Variants in SCAMP2 observed in about 807,000 individuals in gnomAD.
SCAMP2 encodes the protein secretory carrier membrane protein 2, also known as secretory carrier-associated membrane protein 2.
Under a neutral mutation model 44.1 loss-of-function variants are expected in SCAMP2, and 25 were observed. The ratio of observed to expected loss-of-function variants is 0.57; its 90% CI spans 0.41 to 0.79. The LOEUF is 0.79. Among genes scored for constraint, SCAMP2 ranks in the 30% least tolerant of loss-of-function variants. The pLI is 0.00. For missense variants in SCAMP2, 355 were observed against 411.0 expected (o/e 0.86, Z 1.18); for synonymous variants, 156 against 166.0 (o/e 0.94, Z 0.46).
chr15:74,865,390 A>AAAAAG (rs768030275), intron 1 of SCAMP2, among the ~76,000 whole-genome samples: 1 of 151,398 alleles, frequency 6.6e-6, no homozygotes, highest in African/African-American at 2.4e-5. Flanking sequence ...CAAAAAAAAA[A>AAAAAG]AAAAGAAAAG....
chr15:74,866,276 G>GC (rs773874418), intron 1 of SCAMP2, among the ~76,000 whole-genome samples: 2 of 151,606 alleles, frequency 1.3e-5, no homozygotes, highest in Non-Finnish European at 2.9e-5. Context: ...CGCATCCCAG[G>GC]CTCATGACTC....
intron 7 of SCAMP2, among the ~76,000 whole-genome samples, chr15:74,847,550 G>A (rs1192304027): frequency 6.6e-6 from 1 of 152,186 alleles, no homozygotes; most frequent in African/African-American, 2.4e-5. Context: ...GAGGGGTGGT[G>A]GGAGGGCAGC....
intron 3 of SCAMP2, chr15:74,853,542 A>C (rs768096303): frequency 9.0e-6 from 4 of 445,162 alleles, no homozygotes; most frequent in South Asian, 6.2e-5. Context: ...AGGGGCAGCG[A>C]GGGGTGCAGC....
Position 74,851,451 on chromosome 15 carries a change from G to A in SCAMP2, c.374C>T (p.Ser125Leu), listed in dbSNP as rs1314344046. ...VRQNNWPPLP[S>L]WCPVKPCFYQ... is the part of the protein sequence containing the mutation. ...GAAGCAGGGCTTCACAGGGCACCAC[G>A]AGGGCAGAGGGGGCCAGTTGTTCTG... Residue 125 changes from serine (S) to leucine (L), a missense_variant, in exon 5 of 9, where the codon TCG becomes TTG. Ser to Leu is a moderately radical substitution (Grantham distance 145, BLOSUM62 -2). Coordinates refer to ENST00000268099, the MANE Select transcript of SCAMP2 (RefSeq NM_005697.5). The A allele has an allele frequency of 1.1e-5, 18 of 1,613,978 alleles. No individual in the cohort carries two copies. Among genetic ancestry groups the A allele is most frequent in the Middle Eastern group, 1.7e-4 (1 of 6,056 alleles).
intron 3 of SCAMP2, chr15:74,853,454 G>C (rs1438330618): frequency 2.2e-6 from 1 of 456,474 alleles, no homozygotes; most frequent in Admixed American, 2.3e-5. Flanking sequence ...CTCACTGCCA[G>C]GAATTGGGCA....
intron 1 of SCAMP2, among the ~76,000 whole-genome samples, chr15:74,870,993 G>T (rs528676237): frequency 6.6e-6 from 1 of 152,192 alleles, no homozygotes; most frequent in South Asian, 2.1e-4. Context: ...TGACAGAGCA[G>T]AATATCAGGG....
At chr15:74,864,494 T>C (rs1372960196) in intron 1 of SCAMP2, among the ~76,000 whole-genome samples, 1 of 152,144 alleles carries the variant, frequency 6.6e-6, no homozygotes, top group South Asian at 2.1e-4. Flanking sequence ...TGTGGGACTT[T>C]GGATGTTGCT....
intron 6 of SCAMP2, among the ~76,000 whole-genome samples, chr15:74,850,224 G>C (rs371285016): frequency 3.9e-5 from 6 of 152,196 alleles, no homozygotes; most frequent in African/African-American, 1.4e-4. Context: ...CCTCTTCCCA[G>C]TAACGGCATC....
At chr15:74,853,038 T>G (rs2064445351) in intron 3 of SCAMP2, 1 of 168,090 alleles carries the variant, frequency 5.9e-6, no homozygotes, top group African/African-American at 2.4e-5. Flanking sequence ...CAGGCACATG[T>G]GTACACACAC....
At chr15:74,862,292 C>A (rs57340572) in intron 1 of SCAMP2, among the ~76,000 whole-genome samples, 86,184 of 87,630 alleles carry the variant, frequency 0.98, 42,518 homozygotes, top group Middle Eastern at 1. Flanking sequence ...AAAAAAAATT[C>A]CTGGCCAGGT....
At chr15:74,866,504 AG>A (rs1380771135) in intron 1 of SCAMP2, among the ~76,000 whole-genome samples, 1 of 152,120 alleles carries the variant, frequency 6.6e-6, no homozygotes. Flanking sequence ...TGAGATCAGG[AG>A]TTTGAGACCA....
intron 6 of SCAMP2, 45 bp from the exon 7 acceptor site, chr15:74,848,746 G>T: frequency 7.2e-7 from 1 of 1,398,578 alleles, no homozygotes; most frequent in Non-Finnish European, 1.0e-6. Flanking sequence ...CTTGGGCTGT[G>T]TTCCTCAGCA....
intron 2 of SCAMP2, among the ~76,000 whole-genome samples, 192 bp downstream of exon 2, chr15:74,854,385 CCCAA>C (rs1299030021): frequency 6.6e-6 from 1 of 152,216 alleles, no homozygotes; most frequent in Non-Finnish European, 1.5e-5. Flanking sequence ...GGTCACAGAT[CCCAA>C]GGGGAGAATT....
intron 3 of SCAMP2, 154 bp downstream of exon 3, chr15:74,853,867 C>G (rs1272583163): frequency 3.1e-6 from 2 of 646,902 alleles, no homozygotes; most frequent in Admixed American, 5.6e-5. Flanking sequence ...AGCCCCTCTA[C>G]TTGTAGGTGA....
rs1255010669 is a variant in SCAMP2 at position 74,845,093 on chromosome 15, T to G, written c.980A>C (p.Gln327Pro). 1.2e-6 allele frequency: 2 copies of G among 1,613,626 alleles called. No individual in the cohort carries two copies. Among genetic ancestry groups the G allele is most frequent in the East Asian group, 4.5e-5 (2 of 44,874 alleles). ...AASSAAQGAF[Q>P]GN is the part of the protein sequence containing the mutation. ...GAGAAGAGAGGAGGACTAATTCCCC[T>G]GGAAGGCTCCTTGGGCAGCAGATGA... Residue 327 changes from glutamine to proline, a missense_variant, in exon 9 of 9, where the codon CAG becomes CCG. Physicochemically the swap from Gln to Pro is moderately conservative, Grantham distance 76. Transcript: ENST00000268099.
intron 1 of SCAMP2, among the ~76,000 whole-genome samples, chr15:74,856,150 G>A (rs2064467270): frequency 6.6e-6 from 1 of 151,682 alleles, no homozygotes; most frequent in South Asian, 2.1e-4. Context: ...GTTCCTGCCT[G>A]TGGAGACACC....
At chr15:74,869,993 CAGG>C (rs1052395454) in intron 1 of SCAMP2, among the ~76,000 whole-genome samples, 4 of 152,192 alleles carry the variant, frequency 2.6e-5, no homozygotes, top group African/African-American at 7.2e-5. Context: ...CAGCTCTGAC[CAGG>C]AGAAGGTTCA....
chr15:74,845,542 T>TGATATGGC lies in SCAMP2; in HGVS notation c.778_785dup (p.Val263ProfsTer6). On this transcript the variant is annotated frameshift_variant, in exon 8 of 9. Coordinates refer to ENST00000268099, the MANE Select transcript of SCAMP2 (RefSeq NM_005697.5). LOFTEE classifies it high-confidence loss of function. ...AGCCAGCCACCACCATCATGATGAC[T>TGATATGGC]GATATGGCCAGGGAATGATTATCCA... The TGATATGGC allele has an allele frequency of 6.2e-7, 1 of 1,614,140 alleles. No individual in the cohort carries two copies. The highest frequency in any genetic ancestry group is 8.5e-7 in the Non-Finnish European group (1 of 1,180,016).
intron 1 of SCAMP2, among the ~76,000 whole-genome samples, chr15:74,861,109 A>G (rs2064500327): frequency 6.6e-6 from 1 of 151,984 alleles, no homozygotes; most frequent in Non-Finnish European, 1.5e-5. Flanking sequence ...CAGGAGGCAG[A>G]GGTTGCAGTG....
Sources: allele counts gnomAD v4.1 joint callset (sites outside exome capture counted in the v4.1 genomes callset), GRCh38; gene constraint gnomAD v4.1.1; transcripts MANE v1.5; gene names NCBI Gene and HGNC (gene_info 2026-07-23, HGNC 2026-07-21).